Variants in CCSER1 observed in about 807,000 individuals in gnomAD.
CCSER1 encodes coiled-coil serine rich protein 1.
Under a neutral mutation model 82.0 loss-of-function variants are expected in CCSER1, and 41 were observed. The observed-to-expected ratio is 0.50, with a 90% CI of 0.39 to 0.65. CCSER1 has a LOEUF of 0.65. Ranked by LOEUF, CCSER1 falls within the 30% of genes least tolerant of loss-of-function variation. The pLI is 0.00. For missense variants in CCSER1, 1,119 were observed against 1,064.2 expected (o/e 1.05, Z -0.72); for synonymous variants, 414 against 383.9 (o/e 1.08, Z -0.92).
chr4:90,197,311 C>T (rs541756965), intron 1 of CCSER1, among the ~76,000 whole-genome samples: 3 of 152,054 alleles, frequency 2.0e-5, no homozygotes, highest in African/African-American at 7.2e-5. Context: ...TTTTTTGGAA[C>T]CCTCATATAC....
intron 5 of CCSER1, among the ~76,000 whole-genome samples, chr4:90,521,273 T>G (rs1337912115): frequency 6.6e-6 from 1 of 152,092 alleles, no homozygotes; most frequent in African/African-American, 2.4e-5. Context: ...CCTAACCAAT[T>G]AGTAAGGAAA....
chr4:91,161,689 A>G (rs763949739), intron 10 of CCSER1, among the ~76,000 whole-genome samples: 1 of 152,024 alleles, frequency 6.6e-6, no homozygotes, highest in African/African-American at 2.4e-5. Flanking sequence ...TTCACTCATG[A>G]TTTGGCTCTC....
At chr4:90,744,277 G>C (rs956449369) in intron 7 of CCSER1, among the ~76,000 whole-genome samples, 11 of 152,106 alleles carry the variant, frequency 7.2e-5, no homozygotes, top group Non-Finnish European at 1.5e-4. Flanking sequence ...TTGCCTGTAT[G>C]ATGAGGAAAA....
At chr4:91,131,309 T>C (rs1338240752) in intron 10 of CCSER1, among the ~76,000 whole-genome samples, 1 of 150,460 alleles carries the variant, frequency 6.6e-6, no homozygotes, top group African/African-American at 2.4e-5. Flanking sequence ...TTGTCTCCTT[T>C]AATCTAGAAC....
intron 6 of CCSER1, among the ~76,000 whole-genome samples, chr4:90,701,735 A>G (rs1738182782): frequency 6.6e-6 from 1 of 152,140 alleles, no homozygotes; most frequent in Non-Finnish European, 1.5e-5. Context: ...CTTTGAAGCA[A>G]TTGTGAATGG....
intron 1 of CCSER1, among the ~76,000 whole-genome samples, chr4:90,262,014 A>G (rs1441133808): frequency 6.6e-6 from 1 of 151,634 alleles, no homozygotes; most frequent in Non-Finnish European, 1.5e-5. Context: ...TTTTTTTTAA[A>G]TTTATTTTTG....
intron 10 of CCSER1, among the ~76,000 whole-genome samples, chr4:91,296,353 C>A (rs1322220939): frequency 1.3e-5 from 2 of 150,290 alleles, no homozygotes; most frequent in South Asian, 4.2e-4. Context: ...TTTGGGGAAT[C>A]CCATATACTA....
chr4:90,533,081 TG>T (rs1199850536), intron 5 of CCSER1, among the ~76,000 whole-genome samples: 1 of 141,830 alleles, frequency 7.1e-6, no homozygotes, highest in Non-Finnish European at 1.5e-5. Flanking sequence ...AAAATTTCTG[TG>T]GGTTTTTTTT....
intron 10 of CCSER1, among the ~76,000 whole-genome samples, chr4:91,198,181 TTTCC>T (rs1008174855): frequency 1.3e-5 from 2 of 152,184 alleles, no homozygotes; most frequent in African/African-American, 4.8e-5. Context: ...TTTGCATTAC[TTTCC>T]TTTCTTAAGC....
Position 91,190,980 on chromosome 4 carries a change from G to C in CCSER1, c.2217+104986G>C, listed in dbSNP as rs182222208. Among the ~76,000 whole-genome samples the C allele has an allele frequency of 3.5e-4, 53 of 152,272 alleles. No individual in the cohort carries two copies. The East Asian group carries it at 9.8e-3, about 28-fold the overall frequency. ...CACCTGGTTGTTATCAGGATTAAAT[G>C]AGTTAATCAGAATAATGTCTGAAAC... On this transcript the variant is annotated intron_variant, in intron 10 of 10. Transcript: ENST00000509176.
At chr4:90,996,318 C>T (rs1737491403) in intron 9 of CCSER1, among the ~76,000 whole-genome samples, 1 of 151,926 alleles carries the variant, frequency 6.6e-6, no homozygotes, top group South Asian at 2.1e-4. Context: ...TTGTTGGGAC[C>T]ATTTTATGGT....
At chr4:90,288,102 AT>A (rs1730235656) in intron 1 of CCSER1, among the ~76,000 whole-genome samples, 1 of 151,992 alleles carries the variant, frequency 6.6e-6, no homozygotes, top group African/African-American at 2.4e-5. Flanking sequence ...TTAAGCGAGA[AT>A]GTCGTTATCT....
At chr4:91,465,499 G>C (rs374010809) in intron 10 of CCSER1, among the ~76,000 whole-genome samples, 1 of 152,074 alleles carries the variant, frequency 6.6e-6, no homozygotes, top group Admixed American at 6.6e-5. Context: ...AAATAACTAA[G>C]ATCAGAGCAG....
intron 6 of CCSER1, among the ~76,000 whole-genome samples, chr4:90,700,709 T>C (rs1737897163): frequency 6.6e-6 from 1 of 152,204 alleles, no homozygotes; most frequent in Non-Finnish European, 1.5e-5. Flanking sequence ...TATCTCACTG[T>C]GATTTTGATT....
Position 91,534,090 on chromosome 4 carries a change from G to A in CCSER1, c.2218-64482G>A, listed in dbSNP as rs568334119. On this transcript the variant is annotated intron_variant, in intron 10 of 10. Coordinates refer to ENST00000509176, the MANE Select transcript of CCSER1 (RefSeq NM_001145065.2). The stretch of plus-strand genomic sequence containing the variant: ...TCTAGGATTAAGACTAAATTTGTGA[G>A]GCTAATATTCCATTCAAGGTAGCCA... 2.0e-5 allele frequency among the ~76,000 whole-genome samples: 3 copies of A among 152,120 alleles called. No homozygotes were observed. The South Asian group carries it at 6.2e-4, about 32-fold the overall frequency.
chr4:91,532,019 C>T (rs1263811171), intron 10 of CCSER1, among the ~76,000 whole-genome samples: 1 of 152,114 alleles, frequency 6.6e-6, no homozygotes. Flanking sequence ...GGCCTACAAA[C>T]AATGACATAT....
intron 6 of CCSER1, among the ~76,000 whole-genome samples, chr4:90,704,250 T>C (rs923078628): frequency 2.0e-5 from 3 of 152,210 alleles, no homozygotes; most frequent in Non-Finnish European, 2.9e-5. Flanking sequence ...TTTGGCTGGA[T>C]ATGAAATTCT....
chr4:90,146,546 A>T (rs569886627), intron 1 of CCSER1, among the ~76,000 whole-genome samples: 1 of 152,186 alleles, frequency 6.6e-6, no homozygotes, highest in South Asian at 2.1e-4. Context: ...CACAATAAAG[A>T]TACACATTAA....
chr4:90,548,199 G>A (rs571659009), intron 5 of CCSER1, among the ~76,000 whole-genome samples: 2 of 152,078 alleles, frequency 1.3e-5, no homozygotes, highest in Non-Finnish European at 1.5e-5. Context: ...CAAAACTCTG[G>A]TAGTGTGTAG....
Sources: allele counts gnomAD v4.1 joint callset (sites outside exome capture counted in the v4.1 genomes callset), GRCh38; gene constraint gnomAD v4.1.1; transcripts MANE v1.5; gene names NCBI Gene and HGNC (gene_info 2026-07-23, HGNC 2026-07-21).